EFNA5: variants seen among roughly 807,000 people sequenced by gnomAD.
The protein encoded by EFNA5 is ephrin A5, also known as ephrin-A5.
Under a neutral mutation model 22.9 loss-of-function variants are expected in EFNA5, and 5 were observed. That is an observed-to-expected ratio of 0.22 (90% CI 0.11 to 0.46). The LOEUF (loss-of-function observed/expected upper bound fraction) is 0.46. Among genes scored for constraint, EFNA5 ranks in the 20% least tolerant of loss-of-function variants. The pLI is 0.99. For synonymous variants in EFNA5, 113 were observed against 112.2 expected, an observed-to-expected ratio of 1.01 and a Z score of -0.04; for missense variants, 237 against 293.3, an observed-to-expected ratio of 0.81 and a Z score of 1.40.
intron 1 of EFNA5, among the ~76,000 whole-genome samples, chr5:107,589,862 T>C (rs1749280680): frequency 6.6e-6 from 1 of 152,234 alleles, no homozygotes; most frequent in Non-Finnish European, 1.5e-5. Flanking sequence ...AAAACTTAAA[T>C]GACTTGGGTT....
At chr5:107,420,522 T>TAAAAAAAAAA (rs368304882) in intron 2 of EFNA5, among the ~76,000 whole-genome samples, 2 of 109,086 alleles carry the variant, frequency 1.8e-5, no homozygotes, top group Non-Finnish European at 3.6e-5. Context: ...TCTGTGCTTT[T>TAAAAAAAAAA]AAAAAAAAAA....
rs1342519138 is a variant in EFNA5, at chr5:107,464,999, C to T, written c.126-37490G>A. 2.6e-5 allele frequency among the ~76,000 whole-genome samples: 4 copies of T among 151,914 alleles called. No individual in the cohort carries two copies. The East Asian group carries it at 5.8e-4, about 22-fold the overall frequency. The stretch of plus-strand genomic sequence containing the variant: ...TTTTGTCCTTGAGACCAGCACTGAG[C>T]TCACCGAGGAAGCACGGCCTAAGGG... On this transcript the variant is annotated intron_variant, in intron 1 of 4. Coordinates refer to ENST00000333274, the MANE Select transcript of EFNA5 (RefSeq NM_001962.3).
chr5:107,537,018 T>C (rs1445191359), intron 1 of EFNA5, among the ~76,000 whole-genome samples: 2 of 150,810 alleles, frequency 1.3e-5, no homozygotes, highest in Non-Finnish European at 3.0e-5. Flanking sequence ...GGCAGGAGAA[T>C]GGCTTGAACC....
At chr5:107,526,025 G>A (rs889819851) in intron 1 of EFNA5, among the ~76,000 whole-genome samples, 1 of 152,168 alleles carries the variant, frequency 6.6e-6, no homozygotes, top group Non-Finnish European at 1.5e-5. Flanking sequence ...ATACGGGAAT[G>A]AATCAGAATT....
intron 1 of EFNA5, among the ~76,000 whole-genome samples, chr5:107,454,445 CT>C (rs1749641669): frequency 6.6e-6 from 1 of 152,050 alleles, no homozygotes; most frequent in South Asian, 2.1e-4. Flanking sequence ...TCATTTGAAG[CT>C]TTACTTTGTG....
intron 2 of EFNA5, among the ~76,000 whole-genome samples, chr5:107,400,039 T>C (rs974920356): frequency 6.6e-6 from 1 of 152,220 alleles, no homozygotes; most frequent in African/African-American, 2.4e-5. Context: ...GTTCATCATA[T>C]TTTAAAATTT....
intron 1 of EFNA5, among the ~76,000 whole-genome samples, chr5:107,430,598 C>T (rs538653634): frequency 6.6e-6 from 1 of 152,160 alleles, no homozygotes; most frequent in South Asian, 2.1e-4. Flanking sequence ...ACTCTTACCC[C>T]TGTTAATGTT....
At chr5:107,654,372 A>G (rs1445675658) in intron 1 of EFNA5, among the ~76,000 whole-genome samples, 1 of 152,154 alleles carries the variant, frequency 6.6e-6, no homozygotes, top group African/African-American at 2.4e-5. Flanking sequence ...GTCAATTGCC[A>G]TAGAACTAAC....
intron 1 of EFNA5, among the ~76,000 whole-genome samples, chr5:107,666,754 A>G (rs572662638): frequency 6.6e-6 from 1 of 152,144 alleles, no homozygotes; most frequent in African/African-American, 2.4e-5. Flanking sequence ...AATTACCCTA[A>G]TATCATTTCA....
chr5:107,496,417 G>A (rs1207968536), intron 1 of EFNA5, among the ~76,000 whole-genome samples: 1 of 150,774 alleles, frequency 6.6e-6, no homozygotes, highest in Non-Finnish European at 1.5e-5. Context: ...AGAGAGTCTC[G>A]TTCATCCCAT....
intron 1 of EFNA5, among the ~76,000 whole-genome samples, chr5:107,581,129 TTTAA>T (rs1749066737): frequency 6.6e-6 from 1 of 152,192 alleles, no homozygotes. Context: ...AGCCAGGCTG[TTTAA>T]TTCAGATCTA....
chr5:107,619,946 A>G (rs1330864288), intron 1 of EFNA5, among the ~76,000 whole-genome samples: 1 of 152,162 alleles, frequency 6.6e-6, no homozygotes, highest in African/African-American at 2.4e-5. Flanking sequence ...CCAATTTCCC[A>G]TTTGTAAATA....
chr5:107,466,558 G>A (rs1171442447), intron 1 of EFNA5, among the ~76,000 whole-genome samples: 1 of 152,128 alleles, frequency 6.6e-6, no homozygotes, highest in Non-Finnish European at 1.5e-5. Context: ...TCCCAGCTGT[G>A]CGGCATGAGG....
At chr5:107,451,303 A>G (rs896611226) in intron 1 of EFNA5, among the ~76,000 whole-genome samples, 5 of 152,230 alleles carry the variant, frequency 3.3e-5, no homozygotes, top group Non-Finnish European at 7.3e-5. Flanking sequence ...AACTGGATAA[A>G]TCAACTACGT....
At chr5:107,439,923 G>A (rs1749212691) in intron 1 of EFNA5, among the ~76,000 whole-genome samples, 1 of 152,134 alleles carries the variant, frequency 6.6e-6, no homozygotes, top group South Asian at 2.1e-4. Context: ...GAAACCACGA[G>A]GTACTTTGTT....
chr5:107,547,848 A>C (rs1277853964), intron 1 of EFNA5, among the ~76,000 whole-genome samples: 2 of 152,194 alleles, frequency 1.3e-5, no homozygotes, highest in Non-Finnish European at 1.5e-5. Flanking sequence ...TTAACTAAAA[A>C]TCTGTTATTA....
intron 1 of EFNA5, among the ~76,000 whole-genome samples, chr5:107,482,832 GTCTCTCTCTCTC>G (rs59574940): frequency 1.3e-3 from 123 of 94,056 alleles, no homozygotes; most frequent in African/African-American, 5.2e-3. Flanking sequence ...CTCTGTCTCT[GTCTCTCTCTCTC>G]TCTCTCTCTC....
At chr5:107,652,949 T>G (rs1288868310) in intron 1 of EFNA5, among the ~76,000 whole-genome samples, 1 of 152,046 alleles carries the variant, frequency 6.6e-6, no homozygotes, top group Non-Finnish European at 1.5e-5. Context: ...CTTCAGAACT[T>G]TCATTTCAAA....
chr5:107,575,417 C>CT (rs1218133962), intron 1 of EFNA5, among the ~76,000 whole-genome samples: 9 of 152,278 alleles, frequency 5.9e-5, no homozygotes, highest in Admixed American at 2.6e-4. Context: ...ATTATGTCCT[C>CT]TGAGGGGAAA....
Sources: allele counts gnomAD v4.1 joint callset (sites outside exome capture counted in the v4.1 genomes callset), GRCh38; gene constraint gnomAD v4.1.1; transcripts MANE v1.5; gene names NCBI Gene and HGNC (gene_info 2026-07-23, HGNC 2026-07-21).